SLC24A2: variants seen among roughly 807,000 people sequenced by gnomAD.
The protein encoded by SLC24A2 is solute carrier family 24 member 2.
SLC24A2 carries 36 observed loss-of-function variants against 62.0 expected under a neutral mutation model. The observed-to-expected ratio is 0.58, with a 90% CI of 0.44 to 0.77. The LOEUF (loss-of-function observed/expected upper bound fraction) is 0.77. Among genes scored for constraint, SLC24A2 ranks in the 30% least tolerant of loss-of-function variants. The pLI is 0.00. For missense variants in SLC24A2, 846 were observed against 817.9 expected (o/e 1.03, Z -0.42); for synonymous variants, 358 against 294.0 (o/e 1.22, Z -2.23).
At chr9:20,257,572 A>G in the SLC24A2 span, among the ~76,000 whole-genome samples, 3 of 152,182 alleles carry the variant, frequency 2.0e-5, no homozygotes, top group African/African-American at 2.4e-5. Context: ...AAGCATGTTT[A>G]TAAGTACAGA....
chr9:19,711,084 A>G (rs1820701893), intron 2 of SLC24A2, among the ~76,000 whole-genome samples: 1 of 152,252 alleles, frequency 6.6e-6, no homozygotes, highest in African/African-American at 2.4e-5. Flanking sequence ...TGTGCTTAGC[A>G]GTTCTGTAAG....
chr9:19,551,743 G>C (rs891844223), intron 7 of SLC24A2, among the ~76,000 whole-genome samples: 1 of 152,144 alleles, frequency 6.6e-6, no homozygotes, highest in Non-Finnish European at 1.5e-5. Context: ...CTGGCCTTGA[G>C]GAGAGGTCAG....
chr9:20,234,961 G>A, the SLC24A2 span, among the ~76,000 whole-genome samples: 1 of 152,328 alleles, frequency 6.6e-6, no homozygotes, highest in Admixed American at 6.5e-5. Flanking sequence ...ACCCTCAGCT[G>A]CAGGTCTGTT....
the SLC24A2 span, among the ~76,000 whole-genome samples, chr9:19,981,373 G>A: frequency 6.6e-6 from 1 of 152,068 alleles, no homozygotes; most frequent in African/African-American, 2.4e-5. Flanking sequence ...AATATTGCAG[G>A]AACTCTCTAT....
chr9:19,838,858 A>G, the SLC24A2 span, among the ~76,000 whole-genome samples: 105,489 of 151,680 alleles, frequency 0.7, 41,077 homozygotes, highest in Non-Finnish European at 0.88. Context: ...AAACACCAAA[A>G]GCAATGGCAA....
intron 2 of SLC24A2, among the ~76,000 whole-genome samples, chr9:19,698,842 G>A (rs1564047478): frequency 6.6e-6 from 1 of 152,170 alleles, no homozygotes; most frequent in Non-Finnish European, 1.5e-5. Flanking sequence ...TTGTACCACT[G>A]CTCTAGCACT....
At chr9:19,765,211 C>T (rs1486597839) in intron 2 of SLC24A2, among the ~76,000 whole-genome samples, 4 of 152,000 alleles carry the variant, frequency 2.6e-5, no homozygotes, top group Non-Finnish European at 1.5e-5. Flanking sequence ...AGATGGGTCT[C>T]CTGAATACAG....
chr9:19,986,522 A>G, the SLC24A2 span, among the ~76,000 whole-genome samples: 1 of 152,204 alleles, frequency 6.6e-6, no homozygotes, highest in South Asian at 2.1e-4. Flanking sequence ...AATAACCAAA[A>G]GATGGAAAGA....
At chr9:20,239,879 T>A in the SLC24A2 span, among the ~76,000 whole-genome samples, 5 of 84,498 alleles carry the variant, frequency 5.9e-5, no homozygotes, top group South Asian at 4.3e-3. Context: ...CCTTCTGGCT[T>A]TTTTTTTTTT....
chr9:20,047,696 C>A, the SLC24A2 span, among the ~76,000 whole-genome samples: 1 of 148,714 alleles, frequency 6.7e-6, no homozygotes, highest in African/African-American at 2.5e-5. Flanking sequence ...GGGGAGCTAG[C>A]CCTCTGGGGT....
At chr9:19,940,476 A>G in the SLC24A2 span, among the ~76,000 whole-genome samples, 3 of 152,158 alleles carry the variant, frequency 2.0e-5, no homozygotes, top group African/African-American at 7.2e-5. Context: ...TTGAGTGTCA[A>G]CTTCCTCGTG....
chr9:19,556,791 TGC>T (rs1334699118), intron 7 of SLC24A2, among the ~76,000 whole-genome samples: 3 of 152,230 alleles, frequency 2.0e-5, no homozygotes, highest in African/African-American at 7.2e-5. Context: ...TGCCTCTCAC[TGC>T]CTTCTAGGCC....
At chr9:19,559,244 T>C (rs984798892) in intron 7 of SLC24A2, among the ~76,000 whole-genome samples, 19 of 152,240 alleles carry the variant, frequency 1.2e-4, no homozygotes, top group African/African-American at 4.3e-4. Context: ...TATGATTCTA[T>C]AATTATTTGA....
intron 2 of SLC24A2, among the ~76,000 whole-genome samples, chr9:19,715,937 C>G (rs2383115): frequency 6.6e-6 from 1 of 152,130 alleles, no homozygotes; most frequent in East Asian, 1.9e-4. Context: ...AAAGTTTTCT[C>G]TCTTTTCAGG....
chr9:20,254,391 G>A, the SLC24A2 span, among the ~76,000 whole-genome samples: 1 of 152,130 alleles, frequency 6.6e-6, no homozygotes, highest in Non-Finnish European at 1.5e-5. Flanking sequence ...CTAGGAGCTG[G>A]GTACTGGGAA....
chr9:20,100,258 G>T, the SLC24A2 span, among the ~76,000 whole-genome samples: 2 of 151,850 alleles, frequency 1.3e-5, no homozygotes, highest in East Asian at 1.9e-4. Context: ...ACAGGGTTTT[G>T]CCATGTCGCC....
chr9:19,559,990 A>C (rs1480878148), intron 7 of SLC24A2, among the ~76,000 whole-genome samples: 3 of 152,094 alleles, frequency 2.0e-5, no homozygotes, highest in Non-Finnish European at 2.9e-5. Context: ...CACAATCTCT[A>C]AGTGACACAT....
At chr9:20,284,073 A>G in the SLC24A2 span, among the ~76,000 whole-genome samples, 1 of 152,134 alleles carries the variant, frequency 6.6e-6, no homozygotes, top group Admixed American at 6.5e-5. Context: ...TGGCTGCCGA[A>G]TTATCATTTC....
chr9:19,852,908 G>C, the SLC24A2 span, among the ~76,000 whole-genome samples: 1 of 152,154 alleles, frequency 6.6e-6, no homozygotes, highest in Non-Finnish European at 1.5e-5. Context: ...AATTTGGGCA[G>C]TATGGTCATT....
Sources: gnomAD v4.1 joint callset for allele counts (sites outside exome capture counted in the v4.1 genomes callset) on GRCh38, gnomAD v4.1.1 for gene constraint, MANE v1.5 for transcripts, NCBI Gene and HGNC (gene_info 2026-07-23, HGNC 2026-07-21) for gene names.